Variants in BMERB1 observed in about 807,000 individuals in gnomAD.
The protein encoded by BMERB1 is bMERB domain containing 1.
BMERB1 carries 12 observed loss-of-function variants against 23.6 expected under a neutral mutation model. The observed-to-expected ratio is 0.51, with a 90% CI of 0.33 to 0.82. BMERB1 has a LOEUF of 0.82. Among genes scored for constraint, BMERB1 ranks in the 40% least tolerant of loss-of-function variants. The probability of loss-of-function intolerance (pLI) is 0.03; values close to 1 mark genes in which losing one functional copy is unlikely to be tolerated. For synonymous variants in BMERB1, 122 were observed against 96.6 expected (o/e 1.26, Z -1.54); for missense variants, 247 against 255.4 (o/e 0.97, Z 0.22).
intron 1 of BMERB1, among the ~76,000 whole-genome samples, chr16:15,448,654 T>C (rs2051012199): frequency 6.6e-6 from 1 of 152,232 alleles, no homozygotes; most frequent in Middle Eastern, 3.4e-3. Context: ...TAGCTGGGCA[T>C]GGTGGTGCAA....
intron 1 of BMERB1, among the ~76,000 whole-genome samples, chr16:15,446,871 G>A (rs775663626): frequency 6.6e-5 from 10 of 152,154 alleles, no homozygotes; most frequent in East Asian, 1.9e-4. Flanking sequence ...AGTTGAAGAC[G>A]TTCACAAAAA....
intron 1 of BMERB1, among the ~76,000 whole-genome samples, chr16:15,461,018 G>A (rs1267872992): frequency 2.0e-5 from 3 of 151,904 alleles, no homozygotes; most frequent in South Asian, 2.1e-4. Flanking sequence ...CCAGCTACTC[G>A]GGAGGCTGAG....
In BMERB1 at chr16:15,446,619, G is replaced by A. The variant is rs570048741; in HGVS notation, c.106+11860G>A. On this transcript the variant is annotated intron_variant, in intron 1 of 5. Coordinates refer to ENST00000300006, the MANE Select transcript of BMERB1 (RefSeq NM_033201.3). Reference sequence around the variant, plus strand: ...AATGTCACTCCACTGATAAGTGGTAGGGCTGAGATTTGAACCTAGCACAGG... The same window carrying A: ...AATGTCACTCCACTGATAAGTGGTAAGGCTGAGATTTGAACCTAGCACAGG... 7.9e-5 allele frequency among the ~76,000 whole-genome samples: 12 copies of A among 152,274 alleles called. No homozygotes were observed. In the East Asian group the frequency reaches 2.1e-3, roughly 27 times the overall value.
intron 2 of BMERB1, among the ~76,000 whole-genome samples, chr16:15,524,681 G>A (rs1035814575): frequency 1.3e-5 from 2 of 152,194 alleles, no homozygotes; most frequent in African/African-American, 4.8e-5. Context: ...TGAGGCACAA[G>A]AGTTGCTTTA....
At chr16:15,490,013 C>T (rs532540407) in intron 1 of BMERB1, among the ~76,000 whole-genome samples, 2 of 152,028 alleles carry the variant, frequency 1.3e-5, no homozygotes, top group Admixed American at 1.3e-4. Context: ...ACTACAGGCG[C>T]CCGCCCTCAT....
At chr16:15,546,630 G>A (rs1187155788) in intron 2 of BMERB1, among the ~76,000 whole-genome samples, 2 of 152,248 alleles carry the variant, frequency 1.3e-5, no homozygotes, top group South Asian at 2.1e-4. Context: ...ATATGTCCAC[G>A]TGTAAGTGTG....
intron 2 of BMERB1, among the ~76,000 whole-genome samples, chr16:15,536,409 C>G (rs2052025367): frequency 6.6e-6 from 1 of 152,172 alleles, no homozygotes; most frequent in Non-Finnish European, 1.5e-5. Context: ...GCATCTGACT[C>G]TCATATCAGC....
At chr16:15,456,279 T>A (rs1401076593) in intron 1 of BMERB1, among the ~76,000 whole-genome samples, 1 of 152,154 alleles carries the variant, frequency 6.6e-6, no homozygotes, top group Non-Finnish European at 1.5e-5. Context: ...CTTCTTTTTT[T>A]ATTCAAACTA....
At chr16:15,510,176 G>A (rs2051645930) in intron 1 of BMERB1, among the ~76,000 whole-genome samples, 1 of 152,120 alleles carries the variant, frequency 6.6e-6, no homozygotes, top group South Asian at 2.1e-4. Flanking sequence ...AACTCCAAGA[G>A]ATTAAATTCC....
intron 1 of BMERB1, among the ~76,000 whole-genome samples, chr16:15,439,849 C>T (rs940290949): frequency 3.9e-5 from 6 of 152,052 alleles, no homozygotes; most frequent in African/African-American, 9.7e-5. Context: ...TCTGTTGTGG[C>T]CATTTCTTGA....
At chr16:15,459,744 G>A (rs2051119616) in intron 1 of BMERB1, among the ~76,000 whole-genome samples, 1 of 152,116 alleles carries the variant, frequency 6.6e-6, no homozygotes, top group South Asian at 2.1e-4. Flanking sequence ...CCATTCTAAG[G>A]TGTTATCATA....
intron 2 of BMERB1, among the ~76,000 whole-genome samples, chr16:15,542,088 G>C (rs1294273479): frequency 6.8e-6 from 1 of 146,694 alleles, no homozygotes; most frequent in African/African-American, 2.6e-5. Flanking sequence ...TTTTGAGACG[G>C]AGTCTCACTC....
chr16:15,455,966 T>C (rs999280393), intron 1 of BMERB1, among the ~76,000 whole-genome samples: 2 of 152,234 alleles, frequency 1.3e-5, no homozygotes, highest in African/African-American at 2.4e-5. Context: ...CGTTTTCCTT[T>C]CTTTTCAGGC....
intron 2 of BMERB1, among the ~76,000 whole-genome samples, chr16:15,521,545 C>T (rs1224445675): frequency 6.6e-6 from 1 of 152,130 alleles, no homozygotes; most frequent in Non-Finnish European, 1.5e-5. Context: ...GAATCAGGCC[C>T]AGGAGGTCAA....
At chr16:15,448,238 T>G (rs1440992334) in intron 1 of BMERB1, among the ~76,000 whole-genome samples, 2 of 152,096 alleles carry the variant, frequency 1.3e-5, no homozygotes, top group African/African-American at 4.8e-5. Flanking sequence ...ACCAACTGGA[T>G]GCAAAGTCAG....
chr16:15,466,896 C>G (rs772663217), intron 1 of BMERB1, among the ~76,000 whole-genome samples: 3 of 152,244 alleles, frequency 2.0e-5, no homozygotes, highest in Middle Eastern at 3.4e-3. Context: ...AATTAGTTTT[C>G]TATTTCCATA....
At chr16:15,537,626 T>C (rs1598504086) in intron 2 of BMERB1, among the ~76,000 whole-genome samples, 1 of 151,696 alleles carries the variant, frequency 6.6e-6, no homozygotes, top group East Asian at 2.0e-4. Context: ...AGTGCTGGGA[T>C]TACAGGCATG....
intron 2 of BMERB1, among the ~76,000 whole-genome samples, chr16:15,526,944 T>C (rs2051913074): frequency 6.8e-6 from 1 of 148,036 alleles, no homozygotes; most frequent in Non-Finnish European, 1.5e-5. Flanking sequence ...AATAATAAAA[T>C]ATAATAAATC....
chr16:15,557,186 G>A (rs186626601), intron 2 of BMERB1, among the ~76,000 whole-genome samples: 3 of 152,226 alleles, frequency 2.0e-5, no homozygotes, highest in Admixed American at 2.0e-4. Context: ...TCGTCCCAGC[G>A]TGAAAGACCA....
Sources: gnomAD v4.1 joint callset for allele counts (sites outside exome capture counted in the v4.1 genomes callset) on GRCh38, gnomAD v4.1.1 for gene constraint, MANE v1.5 for transcripts, NCBI Gene and HGNC (gene_info 2026-07-23, HGNC 2026-07-21) for gene names.